Variants in GALNT18 observed in about 807,000 individuals in gnomAD.
GALNT18 encodes polypeptide N-acetylgalactosaminyltransferase 18.
GALNT18 carries 44 observed loss-of-function variants against 69.5 expected under a neutral mutation model. That is an observed-to-expected ratio of 0.63 (90% CI 0.50 to 0.81). GALNT18 has a LOEUF of 0.81. GALNT18 is among the 40% of genes least tolerant of loss of function. GALNT18 has a pLI of 0.00. For missense variants in GALNT18, 715 were observed against 810.0 expected, an observed-to-expected ratio of 0.88 and a Z score of 1.42; for synonymous variants, 364 against 318.2, an observed-to-expected ratio of 1.14 and a Z score of -1.53.
chr11:11,613,740 G>A lies in GALNT18; in HGVS notation c.235+7619C>T, dbSNP rs1859971747. Among the ~76,000 whole-genome samples, 1 of 152,230 alleles carries A rather than the reference G, an allele frequency of 6.6e-6. No homozygotes were observed. The highest frequency in any genetic ancestry group is 1.5e-5 in the Non-Finnish European group (1 of 68,048). On this transcript the variant is annotated intron_variant, in intron 1 of 10. Transcript: ENST00000227756. The surrounding 1 kb of genome is among the most constrained non-coding windows in gnomAD (Gnocchi z 4.2). Reference sequence around the variant, plus strand: ...CTCCACCCTTCAAGAGACATTCCAGGCCAGCATAAACAGCATGGTCCACCA... The same window carrying A: ...CTCCACCCTTCAAGAGACATTCCAGACCAGCATAAACAGCATGGTCCACCA...
rs769512378 is a variant in GALNT18 at position 11,435,344 on chromosome 11, T to G, written c.429-2557A>C. 1.5e-4 allele frequency among the ~76,000 whole-genome samples: 23 copies of G among 152,286 alleles called. No homozygotes were observed. Among genetic ancestry groups the G allele is most frequent in the Non-Finnish European group, 3.4e-4 (23 of 68,020 alleles). On this transcript the variant is annotated intron_variant, in intron 2 of 10. Transcript: ENST00000227756. This position sits in a 1 kb window ranked among gnomAD's most constrained non-coding sequence, Gnocchi z 4.4. ...TTCCTCCCAGTAGCAGCCCTGATGG[T>G]TTGAGCTGCCAGTCTCTGGAAGCTG...
In GALNT18 at chr11:11,564,787, T is replaced by C. The variant is rs1858602618; in HGVS notation, c.235+56572A>G. On this transcript the variant is annotated intron_variant, in intron 1 of 10. Transcript: ENST00000227756. This position sits in a 1 kb window ranked among gnomAD's most constrained non-coding sequence, Gnocchi z 4.3. ...GCTGTTGGTAGGCACTAGCCACACATGGCTATTTAAATTAAATATGTTAAT... is the reference window on the plus strand; with the variant it reads ...GCTGTTGGTAGGCACTAGCCACACACGGCTATTTAAATTAAATATGTTAAT... Among the ~76,000 whole-genome samples the C allele has an allele frequency of 6.6e-6, 1 of 152,180 alleles. No homozygotes were observed. Among genetic ancestry groups the C allele is most frequent in the African/African-American group, 2.4e-5 (1 of 41,452 alleles).
intron 1 of GALNT18, among the ~76,000 whole-genome samples, chr11:11,507,934 T>TCCAAGGGTA (rs908373401): frequency 1.3e-5 from 2 of 152,240 alleles, no homozygotes; most frequent in African/African-American, 2.4e-5. Context: ...CCTTGAACAT[T>TCCAAGGGTA]GGACTCCAAG....
rs1408373399 is a variant in GALNT18, at chr11:11,402,095, T to A, written c.596-22831A>T. On this transcript the variant is annotated intron_variant, in intron 3 of 10. Coordinates refer to ENST00000227756, the MANE Select transcript of GALNT18 (RefSeq NM_198516.3). The surrounding 1 kb of genome is among the most constrained non-coding windows in gnomAD (Gnocchi z 4.0). Reference sequence around the variant, plus strand: ...TAGGCTTACATATTATTAGGTGAATTCAAGGTAATCACAGATGGCTGGCAC... The same window carrying A: ...TAGGCTTACATATTATTAGGTGAATACAAGGTAATCACAGATGGCTGGCAC... Among the ~76,000 whole-genome samples the A allele has an allele frequency of 2.0e-5, 3 of 152,186 alleles. No individual in the cohort carries two copies. In the East Asian group the frequency reaches 5.8e-4, roughly 29 times the overall value.
At chr11:11,352,709 C>T (rs924607701) in intron 6 of GALNT18, 14 of 1,614,004 alleles carry the variant, frequency 8.7e-6, no homozygotes, top group Admixed American at 3.3e-5. Flanking sequence ...GAATCTCATA[C>T]ATGTAAAATC....
At chr11:11,419,755 GC>G (rs1453449300) in intron 3 of GALNT18, among the ~76,000 whole-genome samples, 2 of 152,072 alleles carry the variant, frequency 1.3e-5, no homozygotes, top group African/African-American at 4.8e-5. Context: ...AGAACACCCT[GC>G]TGCAGGCTGC....
chr11:11,427,714 C>A (rs1855165699), intron 3 of GALNT18, among the ~76,000 whole-genome samples: 1 of 152,180 alleles, frequency 6.6e-6, no homozygotes, highest in African/African-American at 2.4e-5. Context: ...CTCTTCCCAC[C>A]AAAACAGCTG....
At chr11:11,336,893 G>A (rs1850123856) in intron 7 of GALNT18, among the ~76,000 whole-genome samples, 1 of 152,180 alleles carries the variant, frequency 6.6e-6, no homozygotes, top group Admixed American at 6.5e-5. Context: ...ACGGAAAGAA[G>A]AGAAAGTGAA....
In GALNT18 at chr11:11,430,535, T is replaced by C. The variant is rs955829022; in HGVS notation, c.595+2086A>G. On this transcript the variant is annotated intron_variant, in intron 3 of 10. Transcript: ENST00000227756. The surrounding 1 kb of genome is among the most constrained non-coding windows in gnomAD (Gnocchi z 4.9). ...CCATCACCACAATGCTCTAGAGCTTTGGTTGTGAAAGGTCTAGGGTGCTGC... is the reference window on the plus strand; with the variant it reads ...CCATCACCACAATGCTCTAGAGCTTCGGTTGTGAAAGGTCTAGGGTGCTGC... Among the ~76,000 whole-genome samples the C allele has an allele frequency of 3.9e-5, 6 of 152,236 alleles. No individual in the cohort carries two copies. Among genetic ancestry groups the C allele is most frequent in the African/African-American group, 9.6e-5 (4 of 41,456 alleles).
Position 11,296,523 on chromosome 11 carries a change from G to A in GALNT18, c.1513-3330C>T, listed in dbSNP as rs115887927. ...GCTGTGAGACAAGGACAGCCAGGGA[G>A]CCAGTCATTCCCATGTTTTTCTTCT... is the stretch of plus-strand genomic sequence containing the variant. On this transcript the variant is annotated intron_variant, in intron 9 of 10. Coordinates refer to ENST00000227756, the MANE Select transcript of GALNT18 (RefSeq NM_198516.3). Among the ~76,000 whole-genome samples the A allele has an allele frequency of 6.3e-3, 963 of 152,334 alleles. 10 individuals are homozygous for A. The highest frequency in any genetic ancestry group is 0.022 in the African/African-American group (915 of 41,574).
intron 9 of GALNT18, among the ~76,000 whole-genome samples, chr11:11,313,918 T>C (rs1276531762): frequency 6.6e-6 from 1 of 152,186 alleles, no homozygotes; most frequent in Non-Finnish European, 1.5e-5. Context: ...TGTTGAGAGA[T>C]TACTCCAGTT....
At chr11:11,401,018 G>A (rs920051137) in intron 3 of GALNT18, among the ~76,000 whole-genome samples, 1 of 152,198 alleles carries the variant, frequency 6.6e-6, no homozygotes, top group African/African-American at 2.4e-5. Flanking sequence ...AACGTAGGCA[G>A]TGCTTGGATA....
chr11:11,401,318 C>G (rs1311746130), intron 3 of GALNT18, among the ~76,000 whole-genome samples: 1 of 152,192 alleles, frequency 6.6e-6, no homozygotes, highest in Non-Finnish European at 1.5e-5. Context: ...AACACACAAA[C>G]TCATGATCAA....
At chr11:11,310,286 G>T (rs934366963) in intron 9 of GALNT18, among the ~76,000 whole-genome samples, 1 of 152,234 alleles carries the variant, frequency 6.6e-6, no homozygotes, top group Non-Finnish European at 1.5e-5. Context: ...GCGAGAAGGG[G>T]AACACTGGCT....
chr11:11,444,685 G>C lies in GALNT18; in HGVS notation c.428+4059C>G, dbSNP rs1855607654. 6.6e-6 allele frequency among the ~76,000 whole-genome samples: 1 copy of C among 152,172 alleles called. No homozygotes were observed. The highest frequency in any genetic ancestry group is 1.5e-5 in the Non-Finnish European group (1 of 68,044). ...AGGAGACAAAGTAAGTGACTAGCTA[G>C]AGGTGAGAGAAAGGAGGGTGGGCAG... On this transcript the variant is annotated intron_variant, in intron 2 of 10. Coordinates refer to ENST00000227756, the MANE Select transcript of GALNT18 (RefSeq NM_198516.3). The surrounding 1 kb of genome is among the most constrained non-coding windows in gnomAD (Gnocchi z 4.4).
At chr11:11,393,553 C>T (rs1401300130) in intron 3 of GALNT18, among the ~76,000 whole-genome samples, 3 of 152,266 alleles carry the variant, frequency 2.0e-5, no homozygotes, top group Non-Finnish European at 2.9e-5. Flanking sequence ...CTTCCTTGCT[C>T]TCCTTGCATA....
At chr11:11,349,930 G>C (rs1323787856) in intron 6 of GALNT18, among the ~76,000 whole-genome samples, 1 of 147,546 alleles carries the variant, frequency 6.8e-6, no homozygotes, top group Non-Finnish European at 1.5e-5. Context: ...TGGAATTGCT[G>C]CTTGGAAAAA....
chr11:11,353,649 T>C (rs966291466), intron 6 of GALNT18, among the ~76,000 whole-genome samples: 2 of 152,204 alleles, frequency 1.3e-5, no homozygotes, highest in African/African-American at 4.8e-5. Context: ...CACATATGAA[T>C]GGCTCATTAG....
rs759572061 is a variant in GALNT18, at chr11:11,309,150, C to T, written c.1513-15957G>A. Among the ~76,000 whole-genome samples, 8 of 152,098 alleles carry T rather than the reference C, an allele frequency of 5.3e-5. No individual in the cohort carries two copies. The highest frequency in any genetic ancestry group is 2.6e-4 in the Admixed American group (4 of 15,270). ...AGGGAATGGGTTCCTTGTAAAAGGA[C>T]AAGTTTAGTCCCCTCTCTAGCCCTT... On this transcript the variant is annotated intron_variant, in intron 9 of 10. Coordinates refer to ENST00000227756, the MANE Select transcript of GALNT18 (RefSeq NM_198516.3). The surrounding 1 kb of genome is among the most constrained non-coding windows in gnomAD (Gnocchi z 4.6).
Sources: gnomAD v4.1 joint callset for allele counts (sites outside exome capture counted in the v4.1 genomes callset) on GRCh38, gnomAD v4.1.1 for gene constraint, Gnocchi (gnomAD v3.1) non-coding constraint, MANE v1.5 for transcripts, NCBI Gene and HGNC (gene_info 2026-07-23, HGNC 2026-07-21) for gene names.